Variants in RBBP4 observed in about 807,000 individuals in gnomAD.
RBBP4 encodes the protein histone-binding protein RBBP4.
Under a neutral mutation model 57.2 loss-of-function variants are expected in RBBP4, and 3 were observed. The observed-to-expected ratio is 0.05, with a 90% CI of 0.02 to 0.14. The LOEUF (loss-of-function observed/expected upper bound fraction) is 0.14. Among genes scored for constraint, RBBP4 ranks in the 10% least tolerant of loss-of-function variants. The probability of loss-of-function intolerance (pLI) is 1.00; values close to 1 mark genes in which losing one functional copy is unlikely to be tolerated. For missense variants in RBBP4, 107 were observed against 520.6 expected, an observed-to-expected ratio of 0.21 and a Z score of 7.73; for synonymous variants, 151 against 171.5, an observed-to-expected ratio of 0.88 and a Z score of 0.93.
rs191064854 is a variant in RBBP4 at position 32,680,144 on chromosome 1, T to C, written c.*439T>C. ...GAAATAGGGGGAGATTCAAGTCATA[T>C]AGATTCCTACTCGAAAATCTTGACA... On this transcript the variant is annotated 3_prime_UTR_variant, in exon 12 of 12. Coordinates refer to ENST00000373493, the MANE Select transcript of RBBP4 (RefSeq NM_005610.3). 4.9e-3 allele frequency: 5,284 copies of C among 1,076,564 alleles called. 17 individuals are homozygous for C. Among genetic ancestry groups the C allele is most frequent in the Non-Finnish European group, 5.6e-3 (4,945 of 890,660 alleles). The allele number at this position is 1,076,564 out of a possible 1,614,324, so 66.7% of individuals were successfully genotyped here.
At position 32,684,406 on chromosome 1, in the gene RBBP4, T is replaced by C; in HGVS notation, c.*4701T>C. On this transcript the variant is annotated 3_prime_UTR_variant, in exon 12 of 12. Coordinates refer to ENST00000373493, the MANE Select transcript of RBBP4 (RefSeq NM_005610.3). ...TCCTGCATGAGATGGCCAAGAACAT[T>C]TCTAATGAGCCAAACAATAAAAACT... The C allele has an allele frequency of 6.2e-7, 1 of 1,613,884 alleles. No individual in the cohort carries two copies. The highest frequency in any genetic ancestry group is 8.5e-7 in the Non-Finnish European group (1 of 1,179,922).
Position 32,682,077 on chromosome 1 carries a change from C to G in RBBP4, c.*2372C>G. On this transcript the variant is annotated 3_prime_UTR_variant, in exon 12 of 12. Coordinates refer to ENST00000373493, the MANE Select transcript of RBBP4 (RefSeq NM_005610.3). ...TTTTCTCTGCTAGGTTAACTTCTTACAGGTATAATTACAATGCCTGAAATT... is the reference window on the plus strand; with the variant it reads ...TTTTCTCTGCTAGGTTAACTTCTTAGAGGTATAATTACAATGCCTGAAATT... 1.8e-6 allele frequency: 1 copy of G among 543,626 alleles called. No homozygotes were observed. The highest frequency in any genetic ancestry group is 3.3e-6 in the Non-Finnish European group (1 of 305,648). The allele number at this position is 543,626 out of a possible 1,614,324, so 33.7% of individuals were successfully genotyped here.
At chr1:32,673,938 A>G (rs1648987138) in intron 11 of RBBP4, among the ~76,000 whole-genome samples, 1 of 151,956 alleles carries the variant, frequency 6.6e-6, no homozygotes, top group African/African-American at 2.4e-5. Flanking sequence ...CTGTACTAAA[A>G]ATACAAAAAA....
At position 32,680,357 on chromosome 1, in the gene RBBP4, G is replaced by GTTTT. The variant is rs372285843; in HGVS notation, c.*668_*671dup. The GTTTT allele has an allele frequency of 8.1e-6, 8 of 988,410 alleles. No individual in the cohort carries two copies. Among genetic ancestry groups the GTTTT allele is most frequent in the East Asian group, 6.8e-5 (1 of 14,814 alleles). 61.2% of individuals were successfully genotyped at this position (988,410 alleles called of 1,614,324 possible). On this transcript the variant is annotated 3_prime_UTR_variant, in exon 12 of 12. Coordinates refer to ENST00000373493, the MANE Select transcript of RBBP4 (RefSeq NM_005610.3). The stretch of plus-strand genomic sequence containing the variant: ...AATGGTGTTTTTTTTTTTGTTGTTG[G>GTTTT]TTTTTTTTTTTTTTTTTTTAACTTG...
In RBBP4 at chr1:32,661,868, CA is replaced by C. The variant is rs1175838015; in HGVS notation, c.310+4297del. Among the ~76,000 whole-genome samples, 27 of 97,462 alleles carry C rather than the reference CA, an allele frequency of 2.8e-4. No homozygotes were observed. In the Admixed American group the frequency reaches 3.4e-3, roughly 12 times the overall value. 63.9% of individuals were successfully genotyped at this position (97,462 alleles called of 152,430 possible). On this transcript the variant is annotated intron_variant, in intron 3 of 11. Transcript: ENST00000373493. ...GAAGTGTCTGTTCATGTCCTTTGCC[CA>C]CTTTTTTTTTTTTTTTTTTTTTTTT...
intron 3 of RBBP4, among the ~76,000 whole-genome samples, chr1:32,663,721 C>T (rs1247927742): frequency 2.6e-5 from 4 of 151,718 alleles, no homozygotes; most frequent in African/African-American, 4.8e-5. Context: ...GGACTACAGG[C>T]GCCTGCCACC....
At chr1:32,663,707 G>T (rs1420497340) in intron 3 of RBBP4, among the ~76,000 whole-genome samples, 1 of 151,846 alleles carries the variant, frequency 6.6e-6, no homozygotes, top group Non-Finnish European at 1.5e-5. Flanking sequence ...CTCCCGAGTA[G>T]CTGGGACTAC....
At chr1:32,651,868 G>T in intron 1 of RBBP4, 46 bp from the exon 2 acceptor site, 2 of 1,590,788 alleles carry the variant, frequency 1.3e-6, no homozygotes, top group East Asian at 2.3e-5. Context: ...AGGATTACTC[G>T]GTTTCCGTTT....
intron 11 of RBBP4, among the ~76,000 whole-genome samples, chr1:32,675,678 A>T (rs1327877849): frequency 6.6e-6 from 1 of 152,074 alleles, no homozygotes. Flanking sequence ...CTGAGGCAGG[A>T]GAATGGCGTG....
chr1:32,676,611 TCA>T (rs1649111619), intron 11 of RBBP4, among the ~76,000 whole-genome samples: 1 of 24,726 alleles, frequency 4.0e-5, no homozygotes, highest in Admixed American at 6.5e-4. Context: ...AAACTCCATC[TCA>T]AAAAAAAAAA....
At chr1:32,657,336 G>T (rs376619505) in intron 2 of RBBP4, 91 bp from the exon 3 acceptor site, 1 of 1,269,772 alleles carries the variant, frequency 7.9e-7, no homozygotes, top group Non-Finnish European at 1.1e-6. Flanking sequence ...AAACCTGGTT[G>T]TATTAGTGAC....
chr1:32,662,568 G>A (rs1301323034), intron 3 of RBBP4, among the ~76,000 whole-genome samples: 2 of 151,466 alleles, frequency 1.3e-5, no homozygotes, highest in Admixed American at 6.6e-5. Flanking sequence ...TAGAGATGGG[G>A]TTTCACTACG....
chr1:32,673,139 C>T (rs1648944333), intron 11 of RBBP4, among the ~76,000 whole-genome samples: 1 of 152,006 alleles, frequency 6.6e-6, no homozygotes, highest in Non-Finnish European at 1.5e-5. Context: ...TTCTCCTTTT[C>T]CCTCTCCTCC....
At position 32,668,153 on chromosome 1, in the gene RBBP4, G is replaced by A. The variant is rs148201454; in HGVS notation, c.311-72G>A. ...TGCTAAGGAAAAAAAATCCTTTCCT[G>A]TGTTCTTATACTCTGGGTAACCTCT... On this transcript the variant is annotated intron_variant, in intron 3 of 11. Transcript: ENST00000373493. 2.8e-5 allele frequency: 39 copies of A among 1,395,580 alleles called. No individual in the cohort carries two copies. In the African/African-American group the frequency reaches 4.8e-4, roughly 17 times the overall value. 86.4% of individuals were successfully genotyped at this position (1,395,580 alleles called of 1,614,324 possible). A position where few individuals can be genotyped will look rare whatever the true frequency, so the allele number is the denominator to read the frequency against.
At position 32,676,622 on chromosome 1, in the gene RBBP4, A is replaced by G. The variant is rs371973350; in HGVS notation, c.1213-3018A>G. Among the ~76,000 whole-genome samples, 34 of 32,342 alleles carry G rather than the reference A, an allele frequency of 1.1e-3. 1 individual carries two copies. Among genetic ancestry groups the G allele is most frequent in the African/African-American group, 1.4e-3 (29 of 21,064 alleles). The allele number at this position is 32,342 out of a possible 152,430, so 21.2% of individuals were successfully genotyped here. On this transcript the variant is annotated intron_variant, in intron 11 of 11. Transcript: ENST00000373493. ...AGCAAAACTCCATCTCAAAAAAAAAAAAAAAAGAAAAAGAAAAGCTGTTTG... is the reference window on the plus strand; with the variant it reads ...AGCAAAACTCCATCTCAAAAAAAAAGAAAAAAGAAAAAGAAAAGCTGTTTG...
chr1:32,684,351 C>A lies in RBBP4; in HGVS notation c.*4646C>A. 6.2e-7 allele frequency: 1 copy of A among 1,614,168 alleles called. No individual in the cohort carries two copies. Among genetic ancestry groups the A allele is most frequent in the Non-Finnish European group, 8.5e-7 (1 of 1,180,034 alleles). On this transcript the variant is annotated 3_prime_UTR_variant, in exon 12 of 12. Transcript: ENST00000373493. Reference sequence around the variant, plus strand: ...GAGTTGCACCCCATTTCTTAACTGCCTCTGGCGTTCTTCCATTTCCTCCAG... The same window carrying A: ...GAGTTGCACCCCATTTCTTAACTGCATCTGGCGTTCTTCCATTTCCTCCAG...
rs1648792154 is a variant in RBBP4, at chr1:32,669,746, C to CG, written c.966+186dup. On this transcript the variant is annotated intron_variant, in intron 8 of 11. Transcript: ENST00000373493. The surrounding 1 kb of genome is among the most constrained non-coding windows in gnomAD (Gnocchi z 4.9). The stretch of plus-strand genomic sequence containing the variant: ...TCTACTAAAAATATAAAAAATTAGC[C>CG]GGGCATGGTGGCGGATGCCCGTAGT... Among the ~76,000 whole-genome samples the CG allele has an allele frequency of 6.6e-6, 1 of 152,008 alleles. No individual in the cohort carries two copies. The highest frequency in any genetic ancestry group is 2.1e-4 in the South Asian group (1 of 4,826).
intron 3 of RBBP4, among the ~76,000 whole-genome samples, chr1:32,662,705 G>A (rs1046617819): frequency 2.6e-5 from 4 of 151,776 alleles, no homozygotes; most frequent in Admixed American, 6.6e-5. Context: ...TGATATCTCA[G>A]CCCAGGCGCA....
chr1:32,669,010 G>C lies in RBBP4; in HGVS notation c.639G>C (p.Glu213Asp). 6.2e-7 allele frequency: 1 copy of C among 1,614,104 alleles called. No homozygotes were observed. Among genetic ancestry groups the C allele is most frequent in the Admixed American group, 1.7e-5 (1 of 60,010 alleles). The change falls in exon 6 of 12, where the codon GAG (glutamate) becomes GAC (aspartate). Residue 213 changes from glutamate (E) to aspartate (D), a missense_variant. Glu to Asp is a conservative substitution (Grantham distance 45). Around this residue, in one of 3 missense-constraint regions of RBBP4, gnomAD observed 92 missense variants for 408.5 expected, o/e 0.23. Coordinates refer to ENST00000373493, the MANE Select transcript of RBBP4 (RefSeq NM_005610.3). This position sits in a 1 kb window ranked among gnomAD's most constrained non-coding sequence, Gnocchi z 4.9. ...GGGACATCAGTGCCGTTCCAAAGGA[G>C]GGAAAAGTGGTAGATGCGAAGACCA... is the stretch of plus-strand genomic sequence containing the variant. ...CLWDISAVPK[E>D]GKVVDAKTIF...
Sources: allele counts gnomAD v4.1 joint callset (sites outside exome capture counted in the v4.1 genomes callset), GRCh38; gene constraint gnomAD v4.1.1; regional missense constraint gnomAD v4.1.1; non-coding constraint Gnocchi (gnomAD v3.1); transcripts MANE v1.5; gene names NCBI Gene and HGNC (gene_info 2026-07-23, HGNC 2026-07-21).